SHD: variants seen among roughly 807,000 people sequenced by gnomAD.
SHD encodes the protein Src homology 2 domain containing transforming protein D, also known as SH2 domain-containing adapter protein D.
Under a neutral mutation model 31.2 loss-of-function variants are expected in SHD, and 29 were observed. The ratio of observed to expected loss-of-function variants is 0.93; its 90% CI spans 0.69 to 1.27. SHD has a LOEUF of 1.27. Ranked by LOEUF, SHD falls within the 50% of genes most tolerant of loss-of-function variation. The pLI, the probability that SHD is intolerant of heterozygous loss-of-function variation, is 0.00. For synonymous variants in SHD, 208 were observed against 187.8 expected (o/e 1.11, Z -0.88); for missense variants, 520 against 453.8 (o/e 1.15, Z -1.33).
At chr19:4,282,148 T>C (rs955241988) in intron 1 of SHD, among the ~76,000 whole-genome samples, 2 of 151,930 alleles carry the variant, frequency 1.3e-5, no homozygotes, top group African/African-American at 4.8e-5. Context: ...GGCCAGGCAC[T>C]GTGGCTCATG....
Position 4,284,794 on chromosome 19 carries a change from T to C in SHD, c.606T>C (p.Ser202=), listed in dbSNP as rs540155044. 1.9e-6 allele frequency: 3 copies of C among 1,609,290 alleles called. No individual in the cohort carries two copies. In the East Asian group the frequency reaches 6.7e-5, roughly 36 times the overall value. Residue 202 remains serine (S), a synonymous_variant, in exon 4 of 6, where the codon AGT becomes AGC. Transcript: ENST00000543264. ...TCTCCTTTCCAGTGCAGTTTGACAG[T>C]CCAGAGTGGGAGAGGACTCCAGGCT... ...ISRAFAVQFD[S]PEWERTPGSA...
chr19:4,284,683 T>G, intron 3 of SHD, 98 bp from the exon 4 acceptor site: 3 of 1,349,184 alleles, frequency 2.2e-6, no homozygotes, highest in Non-Finnish European at 2.9e-6. Flanking sequence ...TGTCCCAAGC[T>G]GGCCCTGCCT....
At chr19:4,280,681 C>A (rs1318968020) in intron 1 of SHD, among the ~76,000 whole-genome samples, 1 of 152,018 alleles carries the variant, frequency 6.6e-6, no homozygotes, top group Admixed American at 6.6e-5. Context: ...GTGTGTGCCA[C>A]CACACCCGGC....
chr19:4,284,507 G>C (rs1008753426), intron 3 of SHD: 16 of 278,088 alleles, frequency 5.8e-5, no homozygotes, highest in Non-Finnish European at 1.1e-4. Context: ...TTAGGGACTA[G>C]GGCTCCTCTT....
At position 4,282,930 on chromosome 19, in the gene SHD, G is replaced by T. The variant is rs1343178220; in HGVS notation, c.358G>T (p.Asp120Tyr). ...TGCTCAGCCTCATCCTGCACCCCCG[G>T]ATGATGGGTACATGGAGCCCTACGA... is the stretch of plus-strand genomic sequence containing the variant. ...FDAQPHPAPP[D>Y]DGYMEPYDAQ... Residue 120 changes from aspartate to tyrosine, a missense_variant, in exon 2 of 6, where the codon GAT (aspartate) becomes TAT (tyrosine). Coordinates refer to ENST00000543264, the MANE Select transcript of SHD (RefSeq NM_020209.4). 1 of 1,613,978 alleles carries T rather than the reference G, an allele frequency of 6.2e-7. No homozygotes were observed. Among genetic ancestry groups the T allele is most frequent in the Non-Finnish European group, 8.5e-7 (1 of 1,180,002 alleles).
At position 4,288,199 on chromosome 19, in the gene SHD, T is replaced by A; in HGVS notation, c.717-44T>A. Reference sequence around the variant, plus strand: ...GGATTACAGGGCCCCAGAGTGTGTTTGAAGGGAATGGCCCTTGATGAGACA... The same window carrying A: ...GGATTACAGGGCCCCAGAGTGTGTTAGAAGGGAATGGCCCTTGATGAGACA... On this transcript the variant is annotated intron_variant, in intron 4 of 5. Coordinates refer to ENST00000543264, the MANE Select transcript of SHD (RefSeq NM_020209.4). The A allele has an allele frequency of 2.5e-6, 4 of 1,594,420 alleles. No homozygotes were observed. In the South Asian group the frequency reaches 3.4e-5, roughly 13 times the overall value.
intron 1 of SHD, among the ~76,000 whole-genome samples, chr19:4,281,475 A>AG (rs1381014351): frequency 9.1e-6 from 1 of 109,792 alleles, no homozygotes; most frequent in Non-Finnish European, 1.9e-5. Context: ...AAAAAAAAAA[A>AG]GGCTGGGTGT....
chr19:4,290,246 T>A (rs1321844019), intron 5 of SHD, among the ~76,000 whole-genome samples: 1 of 152,150 alleles, frequency 6.6e-6, no homozygotes, highest in East Asian at 1.9e-4. Flanking sequence ...ACGCCTGGCC[T>A]GGAGTAAGCC....
intron 4 of SHD, among the ~76,000 whole-genome samples, chr19:4,286,288 T>TTTCCTTCCTTCC (rs199916938): frequency 1.3e-3 from 151 of 113,396 alleles, no homozygotes; most frequent in African/African-American, 4.7e-3. Context: ...TCTTTTTTTC[T>TTTCCTTCCTTCC]TTCCTTCCTT....
Position 4,280,026 on chromosome 19 carries a change from C to A in SHD, c.-38C>A. On this transcript the variant is annotated 5_prime_UTR_variant, in exon 1 of 6. Transcript: ENST00000543264. ...GCCCGGAGAAGGGCATGTGGGGGCC[C>A]CTCTGACAGTGGCCCGATTGGGGTG... The A allele has an allele frequency of 6.5e-7, 1 of 1,545,340 alleles. No homozygotes were observed. The highest frequency in any genetic ancestry group is 8.7e-7 in the Non-Finnish European group (1 of 1,147,898).
At chr19:4,279,218 A>C (rs1224824809), upstream of SHD, 1 of 149,120 alleles carries the variant, frequency 6.7e-6, no homozygotes, top group Non-Finnish European at 1.5e-5. This position sits in a 1 kb window ranked among gnomAD's most constrained non-coding sequence, Gnocchi z 7.5. Context: ...GCGCAGGGGG[A>C]GGGGAGGGGC....
At chr19:4,280,395 A>T (rs1291450425) in intron 1 of SHD, 35 bp downstream of exon 1, 2 of 1,526,782 alleles carry the variant, frequency 1.3e-6, no homozygotes, top group Admixed American at 4.2e-5. Flanking sequence ...GACTGGGTGG[A>T]GGGGAGGCTC....
At chr19:4,285,342 C>T (rs1971297694) in intron 4 of SHD, among the ~76,000 whole-genome samples, 1 of 152,138 alleles carries the variant, frequency 6.6e-6, no homozygotes, top group African/African-American at 2.4e-5. Flanking sequence ...TTTTGGTGGG[C>T]TCACAGCTCC....
At chr19:4,286,155 G>A (rs1378939334) in intron 4 of SHD, among the ~76,000 whole-genome samples, 1 of 151,968 alleles carries the variant, frequency 6.6e-6, no homozygotes, top group Non-Finnish European at 1.5e-5. Flanking sequence ...GCCTCCCAAA[G>A]TGTTGGGATG....
At chr19:4,284,980 T>G in intron 4 of SHD, 76 bp downstream of exon 4, 1 of 1,380,748 alleles carries the variant, frequency 7.2e-7, no homozygotes, top group Non-Finnish European at 9.4e-7. Flanking sequence ...CAGAAGTTTT[T>G]TCGTTTCCCA....
intron 3 of SHD, among the ~76,000 whole-genome samples, chr19:4,283,962 C>T (rs1180463403): frequency 1.3e-5 from 2 of 151,808 alleles, no homozygotes; most frequent in African/African-American, 4.8e-5. Context: ...GCCTCTGAAC[C>T]TTAGTTTTCT....
At chr19:4,282,751 A>C in intron 1 of SHD, 119 bp from the exon 2 acceptor site, 2 of 452,112 alleles carry the variant, frequency 4.4e-6, no homozygotes, top group Non-Finnish European at 7.4e-6. Context: ...ATAAATAATA[A>C]AAAAATAAAA....
At chr19:4,284,466 GC>G in intron 3 of SHD, 1 of 216,774 alleles carries the variant, frequency 4.6e-6, no homozygotes, top group Non-Finnish European at 9.0e-6. Flanking sequence ...TTAGGACTTG[GC>G]CACAGTCTGG....
At position 4,287,200 on chromosome 19, in the gene SHD, C is replaced by T. The variant is rs565532977; in HGVS notation, c.717-1043C>T. 6.0e-5 allele frequency among the ~76,000 whole-genome samples: 9 copies of T among 150,974 alleles called. 1 individual carries two copies. The South Asian group carries it at 1.7e-3, about 28-fold the overall frequency. ...GCAAAAAATTAGCTGGGCGTGGTGG[C>T]GGGTGCCTGTAGTCCCAGCTACTTG... On this transcript the variant is annotated intron_variant, in intron 4 of 5. Coordinates refer to ENST00000543264, the MANE Select transcript of SHD (RefSeq NM_020209.4).
Sources: allele counts gnomAD v4.1 joint callset (sites outside exome capture counted in the v4.1 genomes callset), GRCh38; gene constraint gnomAD v4.1.1; non-coding constraint Gnocchi (gnomAD v3.1); transcripts MANE v1.5; gene names NCBI Gene and HGNC (gene_info 2026-07-23, HGNC 2026-07-21).